Variants in TUBB3 observed in about 807,000 individuals in gnomAD.
The protein encoded by TUBB3 is tubulin beta-3 chain.
Under a neutral mutation model 37.8 loss-of-function variants are expected in TUBB3, and 17 were observed. The observed-to-expected ratio is 0.45, with a 90% confidence interval of 0.31 to 0.67. The LOEUF (loss-of-function observed/expected upper bound fraction) is 0.67, where lower values mean the gene tolerates loss of function less well. Ranked by LOEUF, TUBB3 falls within the 30% of genes least tolerant of loss-of-function variation. The probability of loss-of-function intolerance (pLI) is 0.07; values close to 1 mark genes in which losing one functional copy is unlikely to be tolerated. For missense variants in TUBB3, 262 were observed against 657.9 expected, an observed-to-expected ratio of 0.40 and a Z score of 6.58; for synonymous variants, 332 against 278.9, an observed-to-expected ratio of 1.19 and a Z score of -1.90.
rs747127027 is a variant in TUBB3, at chr16:89,923,368, G to A, written c.-34G>A. ...TCAGCAGCCAGCCCGGCCCGCCCGC[G>A]CCCGTCCGCAGCCGCCCGCCAGACG... On this transcript the variant is annotated 5_prime_UTR_variant, in exon 1 of 4. Coordinates refer to ENST00000315491, the MANE Select transcript of TUBB3 (RefSeq NM_006086.4). 3 of 1,446,394 alleles carry A rather than the reference G, an allele frequency of 2.1e-6. No homozygotes were observed. Among genetic ancestry groups the A allele is most frequent in the South Asian group, 1.3e-5 (1 of 75,528 alleles). The allele number at this position is 1,446,394 out of a possible 1,614,324, so 89.6% of individuals were successfully genotyped here.
Position 89,923,352 on chromosome 16 carries a change from A to AGCCCGGCCCGCCCGC in TUBB3, c.-44_-30dup, listed in dbSNP as rs2029952774. ...CCGCGGTCCCCGACCCTCAGCAGCC[A>AGCCCGGCCCGCCCGC]GCCCGGCCCGCCCGCGCCCGTCCGC... On this transcript the variant is annotated 5_prime_UTR_variant, in exon 1 of 4. Transcript: ENST00000315491. 7.0e-7 allele frequency: 1 copy of AGCCCGGCCCGCCCGC among 1,424,694 alleles called. No homozygotes were observed. Among genetic ancestry groups the AGCCCGGCCCGCCCGC allele is most frequent in the Non-Finnish European group, 9.3e-7 (1 of 1,081,016 alleles). The allele number at this position is 1,424,694 out of a possible 1,614,324, so 88.3% of individuals were successfully genotyped here.
chr16:89,925,729 G>A (rs1355444385), intron 1 of TUBB3, among the ~76,000 whole-genome samples: 1 of 152,144 alleles, frequency 6.6e-6, no homozygotes, highest in African/African-American at 2.4e-5. Flanking sequence ...TTCCTTGGCC[G>A]TTCTCGGCCT....
intron 1 of TUBB3, chr16:89,931,886 C>T: frequency 2.5e-6 from 1 of 401,006 alleles, no homozygotes; most frequent in Non-Finnish European, 5.1e-6. Flanking sequence ...GAGAGGACGA[C>T]CCCTGGGAGC....
At chr16:89,930,901 C>G (rs903760774) in intron 1 of TUBB3, among the ~76,000 whole-genome samples, 1 of 151,506 alleles carries the variant, frequency 6.6e-6, no homozygotes, top group Non-Finnish European at 1.5e-5. Flanking sequence ...GATCTCAGCT[C>G]ACTGCAAGCT....
At chr16:89,927,912 C>T (rs1297369571) in intron 1 of TUBB3, among the ~76,000 whole-genome samples, 1 of 152,164 alleles carries the variant, frequency 6.6e-6, no homozygotes, top group East Asian at 1.9e-4. Context: ...TCCCTGGAAC[C>T]ATAAATTTGG....
At chr16:89,929,055 T>G (rs1212192142) in intron 1 of TUBB3, among the ~76,000 whole-genome samples, 6 of 150,016 alleles carry the variant, frequency 4.0e-5, no homozygotes, top group African/African-American at 1.2e-4. Context: ...CTCTGCCCCC[T>G]GGGTTCAAGC....
In TUBB3 at chr16:89,935,911, C is replaced by G; in HGVS notation, c.*107C>G. 1.4e-6 allele frequency: 2 copies of G among 1,400,018 alleles called. No homozygotes were observed. The allele number at this position is 1,400,018 out of a possible 1,614,324, so 86.7% of individuals were successfully genotyped here. Reference sequence around the variant, plus strand: ...GCCGACACCCTGCTTTCCCCTCGCCCTAGGGCTCCCTTGCCGCCCTCCTGC... The same window carrying G: ...GCCGACACCCTGCTTTCCCCTCGCCGTAGGGCTCCCTTGCCGCCCTCCTGC... On this transcript the variant is annotated 3_prime_UTR_variant, in exon 4 of 4. Coordinates refer to ENST00000315491, the MANE Select transcript of TUBB3 (RefSeq NM_006086.4).
At position 89,935,856 on chromosome 16, in the gene TUBB3, C is replaced by G. The variant is rs1158272371; in HGVS notation, c.*52C>G. On this transcript the variant is annotated 3_prime_UTR_variant, in exon 4 of 4. Coordinates refer to ENST00000315491, the MANE Select transcript of TUBB3 (RefSeq NM_006086.4). ...AGGTGGCGGCCGGGGCCGAAGCCAG[C>G]AGTGTCTAAACCCCCGGAGCCATCT... 1.3e-6 allele frequency: 2 copies of G among 1,572,978 alleles called. No individual in the cohort carries two copies. The highest frequency in any genetic ancestry group is 1.4e-5 in the African/African-American group (1 of 73,996).
At chr16:89,923,097 T>C (rs1204168813), upstream of TUBB3, among the ~76,000 whole-genome samples, 1 of 152,026 alleles carries the variant, frequency 6.6e-6, no homozygotes, top group Non-Finnish European at 1.5e-5. Context: ...AGCCAGCTCC[T>C]CTGGGAGACA....
intron 1 of TUBB3, among the ~76,000 whole-genome samples, chr16:89,928,172 A>T (rs926757838): frequency 7.2e-5 from 11 of 151,928 alleles, no homozygotes; most frequent in Non-Finnish European, 1.3e-4. Flanking sequence ...CTCCCACCTC[A>T]GCCTCCTGAG....
Position 89,923,436 on chromosome 16 carries a change from G to A in TUBB3, c.35G>A (p.Cys12Tyr). 1 of 1,514,498 alleles carries A rather than the reference G, an allele frequency of 6.6e-7. No homozygotes were observed. 93.8% of individuals were successfully genotyped at this position (1,514,498 alleles called of 1,614,324 possible). A position where few individuals can be genotyped will look rare whatever the true frequency, so the allele number is the denominator to read the frequency against. ...REIVHIQAGQ[C>Y]GNQIGAKFWE... ...ATCGTGCACATCCAGGCCGGCCAGT[G>A]CGGCAACCAGATCGGGGCCAAGGTG... Residue 12 changes from cysteine to tyrosine, a missense_variant, in exon 1 of 4, where the codon TGC (cysteine) becomes TAC (tyrosine). By Grantham distance (194) the Cys-to-Tyr change is radical. This residue lies in a region of TUBB3 where 58 missense variants were observed against 74.2 expected (regional missense o/e 0.78). Coordinates refer to ENST00000315491, the MANE Select transcript of TUBB3 (RefSeq NM_006086.4).
intron 1 of TUBB3, among the ~76,000 whole-genome samples, chr16:89,927,536 T>C (rs2030129850): frequency 6.6e-6 from 1 of 152,176 alleles, no homozygotes; most frequent in Non-Finnish European, 1.5e-5. Flanking sequence ...CCTCTCTCTA[T>C]CCAAGTGGGA....
intron 1 of TUBB3, among the ~76,000 whole-genome samples, chr16:89,931,444 C>A (rs979166885): frequency 6.6e-6 from 1 of 152,188 alleles, no homozygotes; most frequent in African/African-American, 2.4e-5. Context: ...CAGCGTGTGT[C>A]CCAGGAGGCC....
chr16:89,924,470 G>T (rs1270432682), intron 1 of TUBB3, among the ~76,000 whole-genome samples: 5 of 152,070 alleles, frequency 3.3e-5, no homozygotes, highest in Non-Finnish European at 2.9e-5. Flanking sequence ...GGGATCGGGG[G>T]GGGAGGCTGG....
rs1364602232 is a variant in TUBB3, at chr16:89,933,222, C to G, written c.167-246C>G. ...GGAGTGCAGACACGAGCCCCTGCAT[C>G]TGGTGGACGTCTGACTGAATCCTGC... On this transcript the variant is annotated intron_variant, in intron 2 of 3. Coordinates refer to ENST00000315491, the MANE Select transcript of TUBB3 (RefSeq NM_006086.4). 7.3e-6 allele frequency: 5 copies of G among 688,040 alleles called. No homozygotes were observed. The East Asian group carries it at 1.1e-4, about 15-fold the overall frequency. The allele number at this position is 688,040 out of a possible 1,614,324, so 42.6% of individuals were successfully genotyped here.
In TUBB3 at chr16:89,928,272, T is replaced by A. The variant is rs748389365; in HGVS notation, c.58-4299T>A. The stretch of plus-strand genomic sequence containing the variant: ...GGTTTCACCATGTTGCCCAGGCTGG[T>A]CTTGAACTCCTGGACTCAAGTGATC... On this transcript the variant is annotated intron_variant, in intron 1 of 3. Transcript: ENST00000315491. 9.8e-4 allele frequency among the ~76,000 whole-genome samples: 148 copies of A among 151,534 alleles called. 1 individual carries two copies. Among genetic ancestry groups the A allele is most frequent in the Non-Finnish European group, 7.5e-4 (51 of 67,840 alleles).
At chr16:89,933,061 T>A (rs1420002301) in intron 2 of TUBB3, 2 of 467,802 alleles carry the variant, frequency 4.3e-6, no homozygotes, top group Non-Finnish European at 8.0e-6. Flanking sequence ...AAAGTGGTGA[T>A]ACACCCACCT....
chr16:89,935,010 C>T lies in TUBB3; in HGVS notation c.559C>T (p.Leu187=). The part of the protein sequence containing the change: ...DTVVEPYNAT[L]SIHQLVENTD... Reference sequence around the variant, plus strand: ...GGTGGTGGAGCCCTACAACGCCACGCTGTCCATCCACCAGCTGGTGGAGAA... The same window carrying T: ...GGTGGTGGAGCCCTACAACGCCACGTTGTCCATCCACCAGCTGGTGGAGAA... Residue 187 remains leucine (L), a synonymous_variant, in exon 4 of 4, where the codon CTG becomes TTG. Transcript: ENST00000315491. The T allele has an allele frequency of 6.2e-7, 1 of 1,614,194 alleles. No homozygotes were observed. Among genetic ancestry groups the T allele is most frequent in the Non-Finnish European group, 8.5e-7 (1 of 1,180,026 alleles).
At chr16:89,933,781 A>G (rs903390091) in intron 3 of TUBB3, 1 of 704,804 alleles carries the variant, frequency 1.4e-6, no homozygotes, top group African/African-American at 1.7e-5. Context: ...CCACTCATGC[A>G]TTTCAAGTGG....
Sources: allele counts gnomAD v4.1 joint callset (sites outside exome capture counted in the v4.1 genomes callset), GRCh38; gene constraint gnomAD v4.1.1; regional missense constraint gnomAD v4.1.1; transcripts MANE v1.5; gene names NCBI Gene and HGNC (gene_info 2026-07-23, HGNC 2026-07-21).